Variants in C4orf50 observed in about 807,000 individuals in gnomAD.
C4orf50 encodes the protein uncharacterized protein C4orf50.
In C4orf50, 80 loss-of-function variants were observed where a neutral mutation model predicts 77.2. The ratio of observed to expected loss-of-function variants is 1.04; its 90% confidence interval spans 0.87 to 1.25. The LOEUF (loss-of-function observed/expected upper bound fraction) is 1.25, where lower values mean the gene tolerates loss of function less well. C4orf50 is among the 50% of genes most tolerant of loss of function. The pLI, the probability that C4orf50 is intolerant of heterozygous loss-of-function variation, is 0.00. For missense variants in C4orf50, 1,257 were observed against 1,152.9 expected (o/e 1.09, Z -1.31); for synonymous variants, 532 against 465.3 (o/e 1.14, Z -1.84).
chr4:5,901,977 C>G lies in C4orf50; in HGVS notation c.*2475-3789G>C, dbSNP rs528633304. The G allele has an allele frequency of 6.6e-6, 1 of 152,222 alleles. No individual in the cohort carries two copies. Among genetic ancestry groups the G allele is most frequent in the African/African-American group, 2.4e-5 (1 of 41,436 alleles). The allele number at this position is 152,222 out of a possible 1,614,324, so 9.4% of individuals were successfully genotyped here. A position where few individuals can be genotyped will look rare whatever the true frequency, so the allele number is the denominator to read the frequency against. On this transcript the variant is annotated intron_variant, in intron 7 of 7. Coordinates refer to the C4orf50 transcript ENST00000324058. The surrounding 1 kb of genome is among the most constrained non-coding windows in gnomAD (Gnocchi z 4.4). ...CTCATGGAGCGACTGAGCAGACTTA[C>G]GCGGAAGCCCACCCACCAGGGCAGC...
chr4:5,953,906 T>C (rs1278523874), downstream of C4orf50, among the ~76,000 whole-genome samples: 2 of 152,252 alleles, frequency 1.3e-5, no homozygotes, highest in African/African-American at 4.8e-5. Flanking sequence ...TAAAAGGCAC[T>C]GTTTCCTCTA....
chr4:5,945,848 G>A (rs1304988379), intron 7 of C4orf50, among the ~76,000 whole-genome samples: 1 of 152,158 alleles, frequency 6.6e-6, no homozygotes, highest in East Asian at 1.9e-4. Flanking sequence ...GCTGGCTGTT[G>A]TTCTGCCCTC....
intron 30 of C4orf50, 41 bp from the exon 9 acceptor site, chr4:5,973,882 G>C: frequency 6.7e-7 from 1 of 1,489,558 alleles, no homozygotes; most frequent in Non-Finnish European, 9.1e-7. Context: ...CTCCCACCAG[G>C]GCTGCATGGC....
At chr4:5,924,862 G>A (rs1166278319) in intron 7 of C4orf50, among the ~76,000 whole-genome samples, 1 of 152,240 alleles carries the variant, frequency 6.6e-6, no homozygotes, top group Non-Finnish European at 1.5e-5. Context: ...AGAACAGCAG[G>A]TCAGAGGGTC....
At chr4:5,978,910 T>C (rs1720424402) in intron 29 of C4orf50, among the ~76,000 whole-genome samples, 1 of 152,220 alleles carries the variant, frequency 6.6e-6, no homozygotes, top group African/African-American at 2.4e-5. Context: ...TGCAGCCACA[T>C]GGGCAAATGA....
intron 26 of C4orf50, among the ~76,000 whole-genome samples, chr4:5,993,265 G>C (rs537979037): frequency 6.6e-6 from 1 of 152,334 alleles, no homozygotes; most frequent in South Asian, 2.1e-4. Flanking sequence ...CCTCACCCCA[G>C]CTCTGCACAG....
chr4:5,915,133 G>A (rs929936087), intron 7 of C4orf50, among the ~76,000 whole-genome samples: 1 of 152,134 alleles, frequency 6.6e-6, no homozygotes, highest in Non-Finnish European at 1.5e-5. Context: ...TGGCCAGAGG[G>A]ATCTTTCTAG....
chr4:5,980,273 G>C lies in C4orf50; in HGVS notation c.3765C>G (p.His1255Gln), dbSNP rs541988654. The C allele has an allele frequency of 8.1e-6, 13 of 1,613,108 alleles. 1 individual carries two copies. The South Asian group carries it at 1.4e-4, about 18-fold the overall frequency. The change falls in exon 29 of 34, where the codon CAC becomes CAG. Residue 1255 changes from histidine (H) to glutamine (Q), a missense_variant. Physicochemically the swap from His to Gln is conservative, Grantham distance 24. Transcript: ENST00000531445. The stretch of plus-strand genomic sequence containing the variant: ...GCTGGCACTGCAGGGTCAGCACCCG[G>C]TGATGGAGCTGCTGGGCCCGCAGCC...
At chr4:5,990,616 C>A in exon 28 of C4orf50, 1 of 399,116 alleles carries the variant, frequency 2.5e-6, no homozygotes, top group Non-Finnish European at 4.4e-6. Context: ...CAGTGGTCGC[C>A]AAGAAGCGGA....
At chr4:5,996,723 G>A (rs1279835230) in intron 25 of C4orf50, among the ~76,000 whole-genome samples, 1 of 152,158 alleles carries the variant, frequency 6.6e-6, no homozygotes, top group Non-Finnish European at 1.5e-5. Context: ...CCACATCATG[G>A]AGTCACCCAG....
chr4:5,948,323 G>T (rs1718569366), intron 7 of C4orf50, among the ~76,000 whole-genome samples: 1 of 152,222 alleles, frequency 6.6e-6, no homozygotes, highest in African/African-American at 2.4e-5. Context: ...TAACTAATGA[G>T]TTCATGATCT....
downstream of C4orf50, among the ~76,000 whole-genome samples, chr4:5,955,878 G>A (rs1231460471): frequency 6.6e-6 from 1 of 152,222 alleles, no homozygotes; most frequent in East Asian, 1.9e-4. This position sits in a 1 kb window ranked among gnomAD's most constrained non-coding sequence, Gnocchi z 5.1. Context: ...CATCACAGGC[G>A]GGTGCTGGCA....
Position 5,990,324 on chromosome 4 carries a change from GT to G in C4orf50, c.1721del (p.Asn574ThrfsTer8). Reference sequence around the variant, plus strand: ...GACTTAGCTGGTACTTGTCACCAAGGTTTTTCCCCTTCCTGCCCAAAGTCCC... The same window carrying G: ...GACTTAGCTGGTACTTGTCACCAAGGTTTTCCCCTTCCTGCCCAAAGTCCC... On this transcript the variant is annotated frameshift_variant, in exon 28 of 34. Coordinates refer to ENST00000531445, the Ensembl canonical transcript of C4orf50. LOFTEE classifies it high-confidence loss of function. 2.2e-6 allele frequency: 2 copies of G among 925,568 alleles called. No homozygotes were observed. Among genetic ancestry groups the G allele is most frequent in the Admixed American group, 4.3e-5 (1 of 23,446 alleles). The allele number at this position is 925,568 out of a possible 1,614,324, so 57.3% of individuals were successfully genotyped here. A position where few individuals can be genotyped will look rare whatever the true frequency, so the allele number is the denominator to read the frequency against.
At chr4:6,004,285 GT>G (rs1722100061) in intron 25 of C4orf50, among the ~76,000 whole-genome samples, 2 of 77,438 alleles carry the variant, frequency 2.6e-5, no homozygotes, top group Admixed American at 1.4e-4. Context: ...TGATGGTGAT[GT>G]TGGTGATGAT....
downstream of C4orf50, among the ~76,000 whole-genome samples, chr4:5,954,220 C>T (rs971777513): frequency 5.3e-5 from 8 of 152,166 alleles, no homozygotes; most frequent in African/African-American, 1.9e-4. This position sits in a 1 kb window ranked among gnomAD's most constrained non-coding sequence, Gnocchi z 4.7. Context: ...CTCCTGTCTG[C>T]AGCCTCCCCT....
At chr4:5,910,086 G>A (rs940251224) in intron 7 of C4orf50, among the ~76,000 whole-genome samples, 13 of 138,024 alleles carry the variant, frequency 9.4e-5, no homozygotes, top group African/African-American at 2.5e-4. Context: ...TCTGTAGATC[G>A]CTTTGGGTAG....
At chr4:5,935,784 T>TAAAAAAAAAAAAAAACAAAAAAAA (rs1717983097) in intron 7 of C4orf50, among the ~76,000 whole-genome samples, 1 of 31,478 alleles carries the variant, frequency 3.2e-5, no homozygotes, top group African/African-American at 8.0e-5. Context: ...AGACTCCGTC[T>TAAAAAAAAAAAAAAACAAAAAAAA]AAAAAAAAAA....
chr4:5,925,282 GGTGGGCTCTA>G (rs1054806246), intron 7 of C4orf50, among the ~76,000 whole-genome samples: 18 of 152,222 alleles, frequency 1.2e-4, no homozygotes, highest in African/African-American at 3.1e-4. Context: ...TGTGGTGGGG[GGTGGGCTCTA>G]GTGGGGAGGG....
intron 33 of C4orf50, among the ~76,000 whole-genome samples, chr4:5,963,221 C>A (rs565546754): frequency 1.3e-5 from 2 of 152,184 alleles, no homozygotes; most frequent in Non-Finnish European, 2.9e-5. Context: ...TAGTCTCAAA[C>A]TCCTGACCTC....
Sources: gnomAD v4.1 joint callset for allele counts (sites outside exome capture counted in the v4.1 genomes callset) on GRCh38, gnomAD v4.1.1 for gene constraint, Gnocchi (gnomAD v3.1) non-coding constraint, MANE v1.5 for transcripts, NCBI Gene and HGNC (gene_info 2026-07-23, HGNC 2026-07-21) for gene names.